PTH1R: variants seen among roughly 807,000 people sequenced by gnomAD.
PTH1R encodes parathyroid hormone 1 receptor, also known as parathyroid hormone/parathyroid hormone-related peptide receptor.
Under a neutral mutation model 70.7 loss-of-function variants are expected in PTH1R, and 32 were observed. That is an observed-to-expected ratio of 0.45 (90% CI 0.34 to 0.61). The LOEUF (loss-of-function observed/expected upper bound fraction) is 0.61. Ranked by LOEUF, PTH1R falls within the 20% of genes least tolerant of loss-of-function variation. The pLI is 0.01. For synonymous variants in PTH1R, 329 were observed against 324.8 expected (o/e 1.01, Z -0.14); for missense variants, 626 against 792.5 (o/e 0.79, Z 2.52).
intron 3 of PTH1R, among the ~76,000 whole-genome samples, chr3:46,889,587 G>A (rs1292466077): frequency 1.3e-5 from 2 of 152,174 alleles, no homozygotes; most frequent in Non-Finnish European, 2.9e-5. Context: ...AGGTGCAGGA[G>A]GCATGGGTTT....
chr3:46,880,101 G>A (rs932788160), intron 1 of PTH1R: 1 of 152,232 alleles, frequency 6.6e-6, no homozygotes, highest in Non-Finnish European at 1.5e-5. Flanking sequence ...AACCACAAGT[G>A]TTCTTTAGGT....
Position 46,903,091 on chromosome 3 carries a change from G to C in PTH1R, c.1396-179G>C. ...GGCAATTTGAGCCTTGTAGATTCTG[G>C]GTGTGTCGGCTGCCTGTAGCCAAAC... On this transcript the variant is annotated intron_variant, in intron 15 of 15. Transcript: ENST00000449590. This position sits in a 1 kb window ranked among gnomAD's most constrained non-coding sequence, Gnocchi z 4.4. The C allele has an allele frequency of 4.1e-6, 5 of 1,225,380 alleles. No homozygotes were observed. The highest frequency in any genetic ancestry group is 5.8e-6 in the Non-Finnish European group (5 of 865,604). 75.9% of individuals were successfully genotyped at this position (1,225,380 alleles called of 1,614,324 possible).
chr3:46,894,092 A>G, intron 4 of PTH1R, 83 bp downstream of exon 4: 1 of 1,401,744 alleles, frequency 7.1e-7, no homozygotes. Context: ...ATACAGAGCC[A>G]GGTGAAGGCT....
At position 46,892,736 on chromosome 3, in the gene PTH1R, A is replaced by C; in HGVS notation, c.76-1171A>C. ...TCCCGCCCTTCACAGCCATGCTCGGACTGCAGGGCCCCGGCCCCGCCTTGG... is the reference window on the plus strand; with the variant it reads ...TCCCGCCCTTCACAGCCATGCTCGGCCTGCAGGGCCCCGGCCCCGCCTTGG... On this transcript the variant is annotated intron_variant, in intron 3 of 15. Coordinates refer to ENST00000449590, the MANE Select transcript of PTH1R (RefSeq NM_000316.3). This position sits in a 1 kb window ranked among gnomAD's most constrained non-coding sequence, Gnocchi z 5.2. 1.0e-6 allele frequency: 1 copy of C among 985,574 alleles called. No individual in the cohort carries two copies. The highest frequency in any genetic ancestry group is 1.2e-6 in the Non-Finnish European group (1 of 830,060). The allele number at this position is 985,574 out of a possible 1,614,324, so 61.1% of individuals were successfully genotyped here.
At chr3:46,878,124 C>G (rs1484130905) in intron 1 of PTH1R, among the ~76,000 whole-genome samples, 2 of 152,206 alleles carry the variant, frequency 1.3e-5, no homozygotes, top group African/African-American at 2.4e-5. Context: ...CCCATCGCCC[C>G]TCCCTTCACC....
rs575591976 is a variant in PTH1R, at chr3:46,895,654, G to C, written c.179-81G>C. 8.0e-5 allele frequency: 128 copies of C among 1,607,906 alleles called. 1 individual carries two copies. The African/African-American group carries it at 1.5e-3, about 19-fold the overall frequency. On this transcript the variant is annotated intron_variant, in intron 4 of 15. Transcript: ENST00000449590. ...AGACAACCCCCCCATTGTACAAAGG[G>C]GGAGTCTGAGGCCAAAGAGTACCCT...
Position 46,903,508 on chromosome 3 carries a change from T to G in PTH1R, c.1634T>G (p.Leu545Arg). 6.2e-7 allele frequency: 1 copy of G among 1,613,858 alleles called. No homozygotes were observed. Among genetic ancestry groups the G allele is most frequent in the Non-Finnish European group, 8.5e-7 (1 of 1,179,972 alleles). The change falls in exon 16 of 16, where the codon CTG becomes CGG. Residue 545 changes from leucine (L) to arginine (R), a missense_variant. Leu to Arg is a moderately radical substitution (Grantham distance 102). This residue lies in a region of PTH1R where 495 missense variants were observed against 638.7 expected (regional missense o/e 0.77). Transcript: ENST00000449590. The surrounding 1 kb of genome is among the most constrained non-coding windows in gnomAD (Gnocchi z 4.4). The part of the protein sequence containing the change: ...PGHAKPGTPA[L>R]ETLETTPPAM... ...CATGCCAAGCCAGGGACCCCAGCCC[T>G]GGAGACCCTCGAGACCACACCACCT...
Position 46,893,930 on chromosome 3 carries a change from T to A in PTH1R, c.99T>A (p.Thr33=). Residue 33 remains threonine, a synonymous_variant, in exon 4 of 16, where the codon ACT becomes ACA. Coordinates refer to ENST00000449590, the MANE Select transcript of PTH1R (RefSeq NM_000316.3). The surrounding 1 kb of genome is among the most constrained non-coding windows in gnomAD (Gnocchi z 5.2). The part of the protein sequence containing the change: ...YALVDADDVM[T]KEEQIFLLHR... ...AGGTGGATGCAGATGACGTCATGAC[T>A]AAAGAGGAACAGATCTTCCTGCTGC... The A allele has an allele frequency of 2.5e-6, 4 of 1,614,032 alleles. No homozygotes were observed. The highest frequency in any genetic ancestry group is 3.4e-6 in the Non-Finnish European group (4 of 1,179,998).
chr3:46,895,848 C>A lies in PTH1R; in HGVS notation c.292C>A (p.Pro98Thr). The stretch of plus-strand genomic sequence containing the variant: ...TGAGTCTGAGGAGGACAAGGAGGCA[C>A]CCACTGGCAGCAGGTACCGAGGTAC... ...YPESEEDKEA[P>T]TGSRYRGRPC... The change falls in exon 5 of 16, where the codon CCC becomes ACC. Residue 98 changes from proline to threonine, a missense_variant. By Grantham distance (38) the Pro-to-Thr change is conservative. Transcript: ENST00000449590. 6.2e-7 allele frequency: 1 copy of A among 1,613,626 alleles called. No homozygotes were observed. The highest frequency in any genetic ancestry group is 1.3e-5 in the African/African-American group (1 of 75,042).
chr3:46,901,106 G>A lies in PTH1R; in HGVS notation c.1049+21G>A, dbSNP rs2032089863. 6.4e-7 allele frequency: 1 copy of A among 1,566,778 alleles called. No homozygotes were observed. Among genetic ancestry groups the A allele is most frequent in the Non-Finnish European group, 8.7e-7 (1 of 1,154,276 alleles). On this transcript the variant is annotated intron_variant, in intron 11 of 15. Transcript: ENST00000449590. This position sits in a 1 kb window ranked among gnomAD's most constrained non-coding sequence, Gnocchi z 7.3. ...ACCGGGTAGGTCCAGGTGGAGAAGG[G>A]GCCCAGGCAAGAAGCACCCCTGGGT...
rs2030821224 is a variant in PTH1R at position 46,883,692 on chromosome 3, G to A, written c.75+58G>A. On this transcript the variant is annotated intron_variant, in intron 3 of 15. Transcript: ENST00000449590. The surrounding 1 kb of genome is among the most constrained non-coding windows in gnomAD (Gnocchi z 6.4). ...GCTGCGGGCTTACCCTAGGGTCCGC[G>A]GGATAGGTCTAAGGCACGCAGTCTT... The A allele has an allele frequency of 7.2e-6, 11 of 1,536,648 alleles. No individual in the cohort carries two copies. The South Asian group carries it at 9.5e-5, about 13-fold the overall frequency.
intron 8 of PTH1R, 42 bp from the exon 9 acceptor site, chr3:46,898,620 G>A (rs748544962): frequency 3.7e-6 from 6 of 1,608,230 alleles, no homozygotes; most frequent in Non-Finnish European, 5.1e-6. Context: ...CCCACCGCGC[G>A]TCCCCGTGCC....
At chr3:46,881,184 T>C (rs2030534332) in intron 2 of PTH1R, 66 bp downstream of exon 2, 1 of 152,256 alleles carries the variant, frequency 6.6e-6, no homozygotes. Flanking sequence ...TGCATTCGCT[T>C]CCTCCGCGAT....
intron 9 of PTH1R, 125 bp from the exon 10 acceptor site, chr3:46,899,178 C>G: frequency 7.6e-7 from 1 of 1,323,226 alleles, no homozygotes; most frequent in Non-Finnish European, 1.1e-6. Context: ...CCAAACGAAG[C>G]CTGCCCCTTC....
In PTH1R at chr3:46,879,295, G is replaced by A. The variant is rs750338601; in HGVS notation, c.-106+1452G>A. Among the ~76,000 whole-genome samples, 1 of 152,140 alleles carries A rather than the reference G, an allele frequency of 6.6e-6. No individual in the cohort carries two copies. The highest frequency in any genetic ancestry group is 6.5e-5 in the Admixed American group (1 of 15,276). ...TGTTTCCAAATCTCAAGTTTTCCCT[G>A]GTGTCAGATCTGAAAAGAACTCCTC... On this transcript the variant is annotated intron_variant, in intron 1 of 15. Coordinates refer to ENST00000449590, the MANE Select transcript of PTH1R (RefSeq NM_000316.3). This position sits in a 1 kb window ranked among gnomAD's most constrained non-coding sequence, Gnocchi z 4.7.
Position 46,902,976 on chromosome 3 carries a change from G to A in PTH1R, c.1395+186G>A. 3.0e-6 allele frequency: 3 copies of A among 1,002,470 alleles called. No homozygotes were observed. Among genetic ancestry groups the A allele is most frequent in the Non-Finnish European group, 4.6e-6 (3 of 656,180 alleles). 62.1% of individuals were successfully genotyped at this position (1,002,470 alleles called of 1,614,324 possible). ...GGTTCAGGATGTGCTAGGATGTGGG[G>A]ACTCTTCAGTCACTGGCATAGCCAA... is the stretch of plus-strand genomic sequence containing the variant. On this transcript the variant is annotated intron_variant, in intron 15 of 15. Coordinates refer to ENST00000449590, the MANE Select transcript of PTH1R (RefSeq NM_000316.3). This position sits in a 1 kb window ranked among gnomAD's most constrained non-coding sequence, Gnocchi z 5.4.
chr3:46,887,955 T>C (rs2031144949), intron 3 of PTH1R, among the ~76,000 whole-genome samples: 1 of 152,196 alleles, frequency 6.6e-6, no homozygotes, highest in South Asian at 2.1e-4. Context: ...TATTTCCTAG[T>C]AGGATATTTC....
chr3:46,897,231 C>T (rs1232266472), intron 5 of PTH1R, among the ~76,000 whole-genome samples: 1 of 152,218 alleles, frequency 6.6e-6, no homozygotes, highest in African/African-American at 2.4e-5. Context: ...GAGGACAGGG[C>T]CCTGTGTTGT....
At chr3:46,885,605 C>T (rs1313955245) in intron 3 of PTH1R, among the ~76,000 whole-genome samples, 1 of 152,204 alleles carries the variant, frequency 6.6e-6, no homozygotes, top group Non-Finnish European at 1.5e-5. Flanking sequence ...CCTGGCTTTG[C>T]CCTGGCCCAT....
Sources: gnomAD v4.1 joint callset for allele counts (sites outside exome capture counted in the v4.1 genomes callset) on GRCh38, gnomAD v4.1.1 for gene constraint, gnomAD v4.1.1 regional missense constraint, Gnocchi (gnomAD v3.1) non-coding constraint, MANE v1.5 for transcripts, NCBI Gene and HGNC (gene_info 2026-07-23, HGNC 2026-07-21) for gene names.